The following DPH5 variants were observed in gnomAD, a reference collection of about 807,000 sequenced individuals.
DPH5 encodes diphthamide biosynthesis 5, also known as diphthine methyl ester synthase.
A neutral mutation model predicts 31.6 loss-of-function variants in DPH5; 31 were observed. The observed-to-expected ratio is 0.98, with a 90% CI of 0.74 to 1.32. The LOEUF (loss-of-function observed/expected upper bound fraction) is 1.32, where lower values mean the gene tolerates loss of function less well. Ranked by LOEUF, DPH5 falls within the 40% of genes most tolerant of loss-of-function variation. The probability of loss-of-function intolerance (pLI) is 0.00; values close to 1 mark genes in which losing one functional copy is unlikely to be tolerated. For missense variants in DPH5, 309 were observed against 335.7 expected (o/e 0.92, Z 0.62); for synonymous variants, 120 against 115.0 (o/e 1.04, Z -0.28).
chr1:100,990,687 C>T, intron 7 of DPH5, 56 bp from the exon 8 acceptor site: 1 of 1,535,430 alleles, frequency 6.5e-7, no homozygotes, highest in Admixed American at 1.8e-5. Context: ...ATCCATCCAA[C>T]AGTCAAACAA....
intron 5 of DPH5, among the ~76,000 whole-genome samples, chr1:100,998,008 A>G (rs1362010893): frequency 6.6e-6 from 1 of 152,206 alleles, no homozygotes; most frequent in Non-Finnish European, 1.5e-5. Context: ...ACTATAAAAA[A>G]AGTAAGACCA....
chr1:101,010,501 T>TG (rs1659544499), intron 4 of DPH5, among the ~76,000 whole-genome samples: 1 of 152,236 alleles, frequency 6.6e-6, no homozygotes, highest in Non-Finnish European at 1.5e-5. Context: ...TTCTGAACTC[T>TG]GCATGTTGTT....
rs141745056 is a variant in DPH5 at position 101,024,356 on chromosome 1, C to T, written c.135+953G>A. On this transcript the variant is annotated intron_variant, in intron 2 of 7. Transcript: ENST00000370109. The stretch of plus-strand genomic sequence containing the variant: ...CCCAGGAGGCTGAGGCTGCAGTGAG[C>T]CATGATCATACCATTGCACCCCAGC... Among the ~76,000 whole-genome samples, 82 of 152,242 alleles carry T rather than the reference C, an allele frequency of 5.4e-4. No individual in the cohort carries two copies. The East Asian group carries it at 0.013, about 24-fold the overall frequency.
intron 4 of DPH5, among the ~76,000 whole-genome samples, chr1:101,004,858 G>C (rs535546068): frequency 6.6e-6 from 1 of 152,208 alleles, no homozygotes; most frequent in Admixed American, 6.5e-5. Flanking sequence ...AAGTAACAGA[G>C]GCGGGAAGTC....
At chr1:101,008,942 C>A (rs1659442632) in intron 4 of DPH5, among the ~76,000 whole-genome samples, 1 of 152,158 alleles carries the variant, frequency 6.6e-6, no homozygotes, top group Non-Finnish European at 1.5e-5. Flanking sequence ...CCCTTATGTC[C>A]ATTCACAGTC....
chr1:100,995,959 T>C (rs758343179), intron 5 of DPH5: 2 of 152,228 alleles, frequency 1.3e-5, no homozygotes, highest in Non-Finnish European at 2.9e-5. Flanking sequence ...GAGTCTTTAA[T>C]AGACTTATGC....
intron 6 of DPH5, among the ~76,000 whole-genome samples, chr1:100,994,260 C>G (rs1265951958): frequency 2.0e-5 from 3 of 152,010 alleles, no homozygotes; most frequent in Non-Finnish European, 4.4e-5. Context: ...GATTTATATA[C>G]TAAAGCTGTT....
rs370751772 is a variant in DPH5, at chr1:101,025,296, G to A, written c.135+13C>T. On this transcript the variant is annotated intron_variant, in intron 2 of 7. Transcript: ENST00000370109. ...CTTTCTTCCCAGGAGGCTGGGGAAC[G>A]CTCAGCACCTACCAAGGCTTCCTTC... The A allele has an allele frequency of 2.5e-6, 4 of 1,613,468 alleles. No individual in the cohort carries two copies. Among genetic ancestry groups the A allele is most frequent in the Admixed American group, 1.7e-5 (1 of 59,940 alleles).
chr1:101,004,768 C>T (rs764750190), intron 4 of DPH5, among the ~76,000 whole-genome samples: 8 of 152,102 alleles, frequency 5.3e-5, no homozygotes, highest in South Asian at 2.1e-4. Flanking sequence ...AAATACAAGG[C>T]GTAAGCTAGA....
chr1:101,025,505 C>G (rs1341362940), intron 1 of DPH5, 39 bp from the exon 2 acceptor site: 1 of 1,594,006 alleles, frequency 6.3e-7, no homozygotes, highest in African/African-American at 1.3e-5. Context: ...TCAGTAACAC[C>G]GAGGACATCT....
chr1:101,005,386 T>C (rs1335147602), intron 4 of DPH5, among the ~76,000 whole-genome samples: 2 of 152,228 alleles, frequency 1.3e-5, no homozygotes, highest in African/African-American at 4.8e-5. Flanking sequence ...AGTGACTAGT[T>C]TTCTCTTCTA....
rs539588158 is a variant in DPH5 at position 101,013,520 on chromosome 1, C to T, written c.369+190G>A. 3.7e-5 allele frequency: 15 copies of T among 409,936 alleles called. No individual in the cohort carries two copies. In the South Asian group the frequency reaches 1.1e-3, roughly 31 times the overall value. 25.4% of individuals were successfully genotyped at this position (409,936 alleles called of 1,614,324 possible). On this transcript the variant is annotated intron_variant, in intron 4 of 7. Transcript: ENST00000370109. The stretch of plus-strand genomic sequence containing the variant: ...CTAGCTAAATCTAAACATTCGATTC[C>T]AATAAGGGGGAAAACCTAGCATAAA...
chr1:101,003,385 G>C (rs1659008906), intron 4 of DPH5, among the ~76,000 whole-genome samples: 1 of 152,164 alleles, frequency 6.6e-6, no homozygotes. Flanking sequence ...TATTATGCTA[G>C]TCACAGGTTT....
In DPH5 at chr1:101,013,732, G is replaced by A. The variant is rs753621373; in HGVS notation, c.347C>T (p.Ala116Val). Residue 116 changes from alanine (A) to valine (V), a missense_variant, in exon 4 of 8, where the codon GCT (alanine) becomes GTT (valine). Physicochemically the swap from Ala to Val is moderately conservative, Grantham distance 64. Transcript: ENST00000370109. ...RVIHNASIMN[A>V]VGCCGLQLYK... ...TACCTGTAAACCACAGCAGCCTACA[G>A]CATTCATTATGGAGGCATTGTGAAT... 1.2e-6 allele frequency: 2 copies of A among 1,610,598 alleles called. No homozygotes were observed. The highest frequency in any genetic ancestry group is 1.7e-6 in the Non-Finnish European group (2 of 1,177,914).
Position 101,018,147 on chromosome 1 carries a change from A to G in DPH5, c.260+3494T>C, listed in dbSNP as rs115201812. Among the ~76,000 whole-genome samples the G allele has an allele frequency of 2.7e-3, 411 of 152,314 alleles. 6 individuals carry two copies. The highest frequency in any genetic ancestry group is 9.6e-3 in the African/African-American group (400 of 41,588). On this transcript the variant is annotated intron_variant, in intron 3 of 7. Transcript: ENST00000370109. ...GTTACTTGAAATTGTTCTAAAGGCA[A>G]TTTCAAGAAAGGAGATCCAAAAATG...
chr1:101,004,221 C>T (rs1659065038), intron 4 of DPH5, among the ~76,000 whole-genome samples: 1 of 152,156 alleles, frequency 6.6e-6, no homozygotes, highest in South Asian at 2.1e-4. Flanking sequence ...AATCCTGGAA[C>T]ATTATGCAAA....
At chr1:100,991,897 A>C (rs1372360753) in intron 7 of DPH5, among the ~76,000 whole-genome samples, 1 of 151,746 alleles carries the variant, frequency 6.6e-6, no homozygotes, top group Non-Finnish European at 1.5e-5. Flanking sequence ...GCTTGAGCCA[A>C]GGAATTCGAG....
intron 4 of DPH5, among the ~76,000 whole-genome samples, chr1:101,007,523 C>T (rs1435904587): frequency 6.6e-6 from 1 of 151,998 alleles, no homozygotes; most frequent in Admixed American, 6.6e-5. Flanking sequence ...ACCATCCTGG[C>T]TAACACAGTG....
intron 4 of DPH5, among the ~76,000 whole-genome samples, chr1:101,008,704 C>G (rs1417466576): frequency 1.3e-5 from 2 of 152,180 alleles, no homozygotes; most frequent in Non-Finnish European, 2.9e-5. Context: ...AAAGTGCTTC[C>G]AAGACTCTCT....
Sources: allele counts gnomAD v4.1 joint callset (sites outside exome capture counted in the v4.1 genomes callset), GRCh38; gene constraint gnomAD v4.1.1; transcripts MANE v1.5; gene names NCBI Gene and HGNC (gene_info 2026-07-23, HGNC 2026-07-21).